SORCS2: variants seen among roughly 807,000 people sequenced by gnomAD.
SORCS2 encodes sortilin related VPS10 domain containing receptor 2, also known as VPS10 domain-containing receptor SorCS2.
In SORCS2, 100 loss-of-function variants were observed where a neutral mutation model predicts 141.6. That is an observed-to-expected ratio of 0.71 (90% confidence interval 0.60 to 0.83). SORCS2 has a LOEUF of 0.83. SORCS2 is among the 40% of genes least tolerant of loss of function. The pLI is 0.00. For synonymous variants in SORCS2, 789 were observed against 676.9 expected, an observed-to-expected ratio of 1.17 and a Z score of -2.57; for missense variants, 1,646 against 1,560.2, an observed-to-expected ratio of 1.05 and a Z score of -0.93.
At chr4:7,712,582 A>G (rs2109035668) in intron 14 of SORCS2, 151 bp from the exon 15 acceptor site, 1 of 1,128,022 alleles carries the variant, frequency 8.9e-7, no homozygotes, top group Non-Finnish European at 1.3e-6. Context: ...TGACCGGGGC[A>G]GCCTCGCTCT....
intron 3 of SORCS2, among the ~76,000 whole-genome samples, chr4:7,588,910 C>T (rs188546676): frequency 3.9e-5 from 6 of 152,304 alleles, no homozygotes; most frequent in African/African-American, 1.2e-4. Flanking sequence ...CTATCGGAAC[C>T]GCTTCACAGA....
chr4:7,204,029 A>G (rs182358354), intron 1 of SORCS2, among the ~76,000 whole-genome samples: 2 of 152,188 alleles, frequency 1.3e-5, no homozygotes, highest in African/African-American at 4.8e-5. Context: ...ATTCCACTGT[A>G]TGGACACCAC....
At chr4:7,543,818 ATCTACCCATCTG>A (rs1466935935) in intron 3 of SORCS2, among the ~76,000 whole-genome samples, 90 of 17,686 alleles carry the variant, frequency 5.1e-3, no homozygotes, top group Non-Finnish European at 0.016. Context: ...CCATCCATCC[ATCTACCCATCTG>A]TCCATCCATC....
At chr4:7,456,167 C>A (rs1728901223) in intron 2 of SORCS2, among the ~76,000 whole-genome samples, 1 of 152,124 alleles carries the variant, frequency 6.6e-6, no homozygotes, top group Non-Finnish European at 1.5e-5. Flanking sequence ...GGGGGCCACC[C>A]AAATGTCCTC....
At chr4:7,538,408 C>T (rs1712303661) in intron 3 of SORCS2, among the ~76,000 whole-genome samples, 1 of 152,228 alleles carries the variant, frequency 6.6e-6, no homozygotes, top group Non-Finnish European at 1.5e-5. Context: ...TTCGGGCCGA[C>T]AGCAGGTTTC....
intron 1 of SORCS2, among the ~76,000 whole-genome samples, chr4:7,375,923 T>C (rs1722615676): frequency 6.6e-6 from 1 of 152,212 alleles, no homozygotes; most frequent in African/African-American, 2.4e-5. Flanking sequence ...TCTCTGGGCC[T>C]CAGTGGCAAA....
At chr4:7,489,744 CT>C (rs34105840) in intron 2 of SORCS2, among the ~76,000 whole-genome samples, 59,219 of 151,922 alleles carry the variant, frequency 0.39, 12,117 homozygotes, top group Middle Eastern at 0.47. Context: ...CAGACGGAGT[CT>C]GTGTTTTGGA....
At chr4:7,215,611 G>A (rs999338255) in intron 1 of SORCS2, among the ~76,000 whole-genome samples, 2 of 152,220 alleles carry the variant, frequency 1.3e-5, no homozygotes, top group African/African-American at 4.8e-5. Context: ...GTGGGGACGT[G>A]GAGAATCTTT....
intron 1 of SORCS2, among the ~76,000 whole-genome samples, chr4:7,314,186 C>T (rs761148137): frequency 2.4e-4 from 37 of 152,118 alleles, no homozygotes; most frequent in Non-Finnish European, 2.9e-4. Flanking sequence ...CAAGTGGGGT[C>T]GGAGGAGAGG....
At chr4:7,416,648 A>C (rs1354288396) in intron 2 of SORCS2, among the ~76,000 whole-genome samples, 1 of 152,094 alleles carries the variant, frequency 6.6e-6, no homozygotes, top group Non-Finnish European at 1.5e-5. Flanking sequence ...ACAAGCACAC[A>C]CATGCATGCA....
At chr4:7,728,150 G>C (rs1244510579) in intron 21 of SORCS2, among the ~76,000 whole-genome samples, 200 bp from the exon 22 acceptor site, 2 of 152,198 alleles carry the variant, frequency 1.3e-5, no homozygotes, top group Admixed American at 1.3e-4. Context: ...GGCATCCAGG[G>C]AAGGAGCTGG....
intron 4 of SORCS2, among the ~76,000 whole-genome samples, chr4:7,640,353 C>T (rs1375500914): frequency 7.6e-6 from 1 of 132,004 alleles, no homozygotes; most frequent in Non-Finnish European, 1.6e-5. Context: ...AGTGTGAGAG[C>T]CTATGTGAGC....
At chr4:7,259,367 C>T (rs1421151203) in intron 1 of SORCS2, among the ~76,000 whole-genome samples, 5 of 152,220 alleles carry the variant, frequency 3.3e-5, no homozygotes, top group African/African-American at 1.2e-4. Flanking sequence ...AGGATCTCCT[C>T]AGAACCCACA....
intron 2 of SORCS2, among the ~76,000 whole-genome samples, chr4:7,422,685 C>T (rs1726157634): frequency 6.6e-6 from 1 of 152,150 alleles, no homozygotes; most frequent in South Asian, 2.1e-4. Context: ...GCAATTCCTC[C>T]AGGATGTCCC....
chr4:7,586,113 T>G (rs1192827628), intron 3 of SORCS2, among the ~76,000 whole-genome samples: 6 of 152,216 alleles, frequency 3.9e-5, no homozygotes, highest in African/African-American at 1.4e-4. Flanking sequence ...CTGTTCCAAT[T>G]GTTCTGGCTT....
At chr4:7,566,961 G>C (rs1012533172) in intron 3 of SORCS2, among the ~76,000 whole-genome samples, 2 of 152,366 alleles carry the variant, frequency 1.3e-5, no homozygotes, top group South Asian at 2.1e-4. Context: ...GGGAAATGCA[G>C]AGGGGGCACA....
chr4:7,665,588 G>A (rs1043972159), intron 7 of SORCS2, among the ~76,000 whole-genome samples: 1 of 152,070 alleles, frequency 6.6e-6, no homozygotes, highest in African/African-American at 2.4e-5. Flanking sequence ...TGCCTCCTCT[G>A]AAGACCCCCA....
chr4:7,480,692 C>T lies in SORCS2; in HGVS notation c.549-50838C>T, dbSNP rs896161479. ...GCGGCCAGAACCATGTGTGATATTG[C>T]GGTGGTTGTGAGTCCACCTGGAGTT... On this transcript the variant is annotated intron_variant, in intron 2 of 26. Transcript: ENST00000507866. Among the ~76,000 whole-genome samples the T allele has an allele frequency of 2.0e-5, 3 of 152,316 alleles. No homozygotes were observed. The East Asian group carries it at 5.8e-4, about 29-fold the overall frequency.
At chr4:7,685,688 A>AATAAAT (rs1723830717) in intron 10 of SORCS2, among the ~76,000 whole-genome samples, 3 of 149,604 alleles carry the variant, frequency 2.0e-5, no homozygotes, top group African/African-American at 7.5e-5. Flanking sequence ...AAAATAAATA[A>AATAAAT]ATATATATAT....
Sources: allele counts gnomAD v4.1 joint callset (sites outside exome capture counted in the v4.1 genomes callset), GRCh38; gene constraint gnomAD v4.1.1; transcripts MANE v1.5; gene names NCBI Gene and HGNC (gene_info 2026-07-23, HGNC 2026-07-21).